COL6A5: variants seen among roughly 807,000 people sequenced by gnomAD.
The protein encoded by COL6A5 is collagen type VI alpha 5 chain.
In COL6A5, 48 loss-of-function variants were observed where a neutral mutation model predicts 65.6. The observed-to-expected ratio is 0.73, with a 90% CI of 0.58 to 0.93. The LOEUF (loss-of-function observed/expected upper bound fraction) is 0.93. Among genes scored for constraint, COL6A5 ranks in the 40% least tolerant of loss-of-function variants. The pLI is 0.00. For synonymous variants in COL6A5, 291 were observed against 322.8 expected (o/e 0.90, Z 1.05); for missense variants, 914 against 928.3 (o/e 0.98, Z 0.20).
intron 1 of COL6A5, among the ~76,000 whole-genome samples, chr3:130,366,150 C>T (rs968953417): frequency 9.2e-5 from 14 of 152,066 alleles, no homozygotes; most frequent in African/African-American, 3.4e-4. Flanking sequence ...TATAATAGGC[C>T]TTATGAAGTT....
intron 23 of COL6A5, among the ~76,000 whole-genome samples, 162 bp downstream of exon 23, chr3:130,415,869 G>T (rs13071563): frequency 0.073 from 11,101 of 152,014 alleles, 512 homozygotes; most frequent in Middle Eastern, 0.11. Flanking sequence ...TTCCTCATAC[G>T]TAGCTAAAGC....
At chr3:130,367,040 C>G (rs529856908) in intron 1 of COL6A5, among the ~76,000 whole-genome samples, 1 of 152,306 alleles carries the variant, frequency 6.6e-6, no homozygotes, top group Admixed American at 6.5e-5. Flanking sequence ...TGTCCAAAGC[C>G]TATTTCAGTT....
At chr3:130,436,037 A>G (rs1386793852) in intron 1 of COL6A5, among the ~76,000 whole-genome samples, 2 of 152,096 alleles carry the variant, frequency 1.3e-5, no homozygotes, top group Non-Finnish European at 2.9e-5. Context: ...AGTGGAATTT[A>G]AACTTGCAAA....
At chr3:130,456,816 C>T (rs1357408805) in intron 5 of COL6A5, among the ~76,000 whole-genome samples, 1 of 151,952 alleles carries the variant, frequency 6.6e-6, no homozygotes, top group Non-Finnish European at 1.5e-5. Flanking sequence ...TTAGTAGCTT[C>T]CTGGGATAAA....
chr3:130,433,727 A>G (rs902449175), intron 1 of COL6A5, among the ~76,000 whole-genome samples: 2 of 152,096 alleles, frequency 1.3e-5, no homozygotes, highest in African/African-American at 4.8e-5. Flanking sequence ...CCCACACTGG[A>G]TTTTACCTAT....
intron 5 of COL6A5, among the ~76,000 whole-genome samples, chr3:130,456,013 G>A (rs1312633678): frequency 6.6e-6 from 1 of 152,028 alleles, no homozygotes; most frequent in East Asian, 1.9e-4. Flanking sequence ...TTGGGGGGAG[G>A]AATGGAGTTT....
intron 12 of COL6A5, 41 bp from the exon 13 acceptor site, chr3:130,403,568 G>A (rs768410649): frequency 6.0e-6 from 9 of 1,507,276 alleles, no homozygotes; most frequent in Middle Eastern, 1.7e-4. Flanking sequence ...ACTTTATTGG[G>A]GGGGGGTGAC....
Position 130,423,827 on chromosome 3 carries a change from C to A in COL6A5, c.5101-11C>A. On this transcript the variant is annotated splice_polypyrimidine_tract_variant and intron_variant and NMD_transcript_variant, in intron 28 of 41. Coordinates refer to the COL6A5 transcript ENST00000312481. ...GTTGAAACTAATGTATTAATATATT[C>A]CTATCTGCAGCTCACTGTAGGCTTG... 6.5e-7 allele frequency: 1 copy of A among 1,546,014 alleles called. No individual in the cohort carries two copies. The highest frequency in any genetic ancestry group is 8.8e-7 in the Non-Finnish European group (1 of 1,142,208).
intron 3 of COL6A5, among the ~76,000 whole-genome samples, chr3:130,378,507 A>G (rs543205852): frequency 1.4e-4 from 22 of 152,230 alleles, no homozygotes; most frequent in South Asian, 8.3e-4. Context: ...CTTAATTATT[A>G]TCCCTGAATT....
At chr3:130,474,029 A>G (rs1286552718) in intron 7 of COL6A5, among the ~76,000 whole-genome samples, 1 of 152,148 alleles carries the variant, frequency 6.6e-6, no homozygotes, top group East Asian at 1.9e-4. Context: ...AGTAACTGCC[A>G]TAGTGACAGT....
At chr3:130,426,140 G>C (rs1874599) in intron 29 of COL6A5, 74 bp from the exon 30 acceptor site, 1,417,678 of 1,424,030 alleles carry the variant, frequency 1, 705,885 homozygotes, top group East Asian at 1. Context: ...TTTTTGTTTT[G>C]TCTTGTTTTA....
At chr3:130,474,337 A>AT (rs1307397798) in intron 7 of COL6A5, among the ~76,000 whole-genome samples, 1 of 152,132 alleles carries the variant, frequency 6.6e-6, no homozygotes, top group Non-Finnish European at 1.5e-5. Context: ...AAACAAAAAT[A>AT]TTCTACAGAG....
rs774176363 is a variant in COL6A5 at position 130,440,215 on chromosome 3, T to A, written c.633T>A (p.Asp211Glu). 1.7e-5 allele frequency: 28 copies of A among 1,613,140 alleles called. No homozygotes were observed. The African/African-American group carries it at 3.5e-4, about 20-fold the overall frequency. The change falls in exon 3 of 8, where the codon GAT becomes GAA. Residue 211 changes from aspartate (D) to glutamate (E), a missense_variant. Transcript: ENST00000512836. ...TTCGAGAGGCTTTCTTACCTGAAGA[T>A]TCATACATGGATGTAGTCTTCCTCA... is the stretch of plus-strand genomic sequence containing the variant.
chr3:130,422,766 G>T, exon 28 of COL6A5: 2 of 1,516,100 alleles, frequency 1.3e-6, no homozygotes, highest in Non-Finnish European at 8.9e-7. Context: ...GGACCCAAAG[G>T]ATTTAGGGGA....
At chr3:130,474,869 G>A (rs931393118) in intron 7 of COL6A5, among the ~76,000 whole-genome samples, 2 of 151,720 alleles carry the variant, frequency 1.3e-5, no homozygotes, top group African/African-American at 2.4e-5. Flanking sequence ...TGGATGTGGT[G>A]TCATTCACTT....
At chr3:130,393,987 G>A (rs1245071148) in intron 7 of COL6A5, among the ~76,000 whole-genome samples, 1 of 146,244 alleles carries the variant, frequency 6.8e-6, no homozygotes, top group African/African-American at 2.6e-5. Flanking sequence ...GCCCATCTTT[G>A]TGTCTGCCAC....
At chr3:130,360,461 T>G (rs1224977325) in intron 1 of COL6A5, among the ~76,000 whole-genome samples, 1 of 152,134 alleles carries the variant, frequency 6.6e-6, no homozygotes, top group Non-Finnish European at 1.5e-5. Flanking sequence ...ATTCGACTAA[T>G]GTAGATTATG....
At chr3:130,466,269 G>A (rs1316849060) in intron 5 of COL6A5, among the ~76,000 whole-genome samples, 1 of 151,978 alleles carries the variant, frequency 6.6e-6, no homozygotes, top group Admixed American at 6.6e-5. Context: ...TAGCAAATGT[G>A]TTCTCTGACT....
exon 27 of COL6A5, chr3:130,421,334 G>C (rs1937514060): frequency 1.9e-6 from 3 of 1,550,208 alleles, no homozygotes; most frequent in Non-Finnish European, 2.6e-6. Context: ...GGGCCCAAGA[G>C]GATTCCCTGG....
Sources: gnomAD v4.1 joint callset for allele counts (sites outside exome capture counted in the v4.1 genomes callset) on GRCh38, gnomAD v4.1.1 for gene constraint, MANE v1.5 for transcripts, NCBI Gene and HGNC (gene_info 2026-07-23, HGNC 2026-07-21) for gene names.